Variants in PGCKA1 observed in about 807,000 individuals in gnomAD.
The protein encoded by PGCKA1 is PDCD10 and GCKIII kinases-associated protein 1.
chr4:37,480,511 CA>C, the PGCKA1 span, among the ~76,000 whole-genome samples: 4 of 147,850 alleles, frequency 2.7e-5, no homozygotes, highest in Non-Finnish European at 6.0e-5. Flanking sequence ...AACAAACAAA[CA>C]AAAAAAACTG....
chr4:37,505,974 G>T, the PGCKA1 span, among the ~76,000 whole-genome samples: 1 of 152,176 alleles, frequency 6.6e-6, no homozygotes, highest in Non-Finnish European at 1.5e-5. Context: ...ATCGTTATTG[G>T]TCTGTTCAGG....
chr4:37,521,532 C>G, the PGCKA1 span, among the ~76,000 whole-genome samples: 1 of 152,046 alleles, frequency 6.6e-6, no homozygotes, highest in Non-Finnish European at 1.5e-5. Flanking sequence ...TAGTTTTATT[C>G]TATTGTGGTC....
chr4:37,480,002 G>A, the PGCKA1 span, among the ~76,000 whole-genome samples: 76 of 152,346 alleles, frequency 5.0e-4, no homozygotes, highest in African/African-American at 1.7e-3. Context: ...TAAAATAAAA[G>A]TGTTAGGCAA....
chr4:37,461,874 T>C, the PGCKA1 span, among the ~76,000 whole-genome samples: 2 of 151,952 alleles, frequency 1.3e-5, no homozygotes, highest in Non-Finnish European at 2.9e-5. Flanking sequence ...CTGGGAGGCA[T>C]TTCAAAGCAC....
the PGCKA1 span, among the ~76,000 whole-genome samples, chr4:37,493,003 G>C: frequency 6.6e-6 from 1 of 151,770 alleles, no homozygotes; most frequent in Non-Finnish European, 1.5e-5. Context: ...ATCTCTCCTA[G>C]TTATTGATAT....
chr4:37,543,278 T>C, the PGCKA1 span, among the ~76,000 whole-genome samples: 1 of 152,174 alleles, frequency 6.6e-6, no homozygotes, highest in Non-Finnish European at 1.5e-5. Context: ...ACATAAGGAA[T>C]GCCACCATTC....
chr4:37,587,356 A>T, the PGCKA1 span, among the ~76,000 whole-genome samples: 135 of 152,234 alleles, frequency 8.9e-4, 1 homozygote, highest in African/African-American at 3.2e-3. Context: ...GGTTCCAGGG[A>T]TTAGGATGTG....
the PGCKA1 span, among the ~76,000 whole-genome samples, chr4:37,544,424 G>A: frequency 1.3e-5 from 2 of 151,714 alleles, no homozygotes; most frequent in Admixed American, 6.6e-5. Flanking sequence ...ATTTTGTGAC[G>A]AATTCCTTCC....
the PGCKA1 span, among the ~76,000 whole-genome samples, chr4:37,565,754 C>T: frequency 6.6e-6 from 1 of 152,146 alleles, no homozygotes; most frequent in Non-Finnish European, 1.5e-5. Context: ...TGAGTGTCAA[C>T]TTGATGGGAT....
the PGCKA1 span, among the ~76,000 whole-genome samples, chr4:37,547,383 T>C: frequency 2.6e-5 from 4 of 152,318 alleles, no homozygotes; most frequent in African/African-American, 9.6e-5. Context: ...GTTTTTTGTT[T>C]TGTGGTGTGC....
chr4:37,473,436 C>T, the PGCKA1 span, among the ~76,000 whole-genome samples: 1 of 152,050 alleles, frequency 6.6e-6, no homozygotes, highest in African/African-American at 2.4e-5. Flanking sequence ...GATAATTTTG[C>T]TGTATTTAAT....
chr4:37,478,444 GA>G, the PGCKA1 span, among the ~76,000 whole-genome samples: 2 of 150,660 alleles, frequency 1.3e-5, no homozygotes, highest in African/African-American at 4.9e-5. Context: ...TTCTTTGTTA[GA>G]AAAAAAAATG....
chr4:37,547,438 G>A, the PGCKA1 span, among the ~76,000 whole-genome samples: 1 of 152,096 alleles, frequency 6.6e-6, no homozygotes, highest in Non-Finnish European at 1.5e-5. Flanking sequence ...GCATAGGTCA[G>A]GCACAAATAA....
At chr4:37,496,050 G>A in the PGCKA1 span, among the ~76,000 whole-genome samples, 1 of 151,992 alleles carries the variant, frequency 6.6e-6, no homozygotes, top group African/African-American at 2.4e-5. Flanking sequence ...ATAACCTATA[G>A]ACAACCATTC....
At chr4:37,562,070 G>A in the PGCKA1 span, among the ~76,000 whole-genome samples, 4 of 152,194 alleles carry the variant, frequency 2.6e-5, no homozygotes, top group African/African-American at 9.7e-5. Flanking sequence ...GGGTCCATGA[G>A]AAGAAACCCA....
chr4:37,592,075 G>A, the PGCKA1 span, among the ~76,000 whole-genome samples: 2 of 152,134 alleles, frequency 1.3e-5, no homozygotes, highest in South Asian at 2.1e-4. Context: ...GGGCACGGTG[G>A]CGGGCGCCTG....
the PGCKA1 span, among the ~76,000 whole-genome samples, chr4:37,546,156 C>T: frequency 6.6e-6 from 1 of 152,180 alleles, no homozygotes; most frequent in Non-Finnish European, 1.5e-5. Flanking sequence ...TGTGTTCTTT[C>T]ACTTAATCCT....
chr4:37,540,139 C>T, the PGCKA1 span, among the ~76,000 whole-genome samples: 2 of 152,214 alleles, frequency 1.3e-5, no homozygotes, highest in South Asian at 4.1e-4. Context: ...GGTTCAGCTG[C>T]ACTGATTATG....
At chr4:37,570,801 A>C in the PGCKA1 span, among the ~76,000 whole-genome samples, 1 of 152,236 alleles carries the variant, frequency 6.6e-6, no homozygotes, top group Non-Finnish European at 1.5e-5. Context: ...AAGTTTGTTG[A>C]ATAGAACCCT....
Sources: allele counts gnomAD v4.1 joint callset (sites outside exome capture counted in the v4.1 genomes callset), GRCh38; gene constraint gnomAD v4.1.1; transcripts MANE v1.5; gene names NCBI Gene and HGNC (gene_info 2026-07-23, HGNC 2026-07-21).